The following RBFOX1 variants were observed in gnomAD, a reference collection of about 807,000 sequenced individuals.
RBFOX1 encodes RNA binding fox-1 homolog 1.
Under a neutral mutation model 57.7 loss-of-function variants are expected in RBFOX1, and 8 were observed. The ratio of observed to expected loss-of-function variants is 0.14; its 90% CI spans 0.08 to 0.25. The LOEUF (loss-of-function observed/expected upper bound fraction) is 0.25, where lower values mean the gene tolerates loss of function less well. Among genes scored for constraint, RBFOX1 ranks in the 10% least tolerant of loss-of-function variants. The pLI is 1.00. For synonymous variants in RBFOX1, 326 were observed against 222.4 expected, an observed-to-expected ratio of 1.47 and a Z score of -4.15; for missense variants, 611 against 548.5, an observed-to-expected ratio of 1.11 and a Z score of -1.14.
intron 2 of RBFOX1, among the ~76,000 whole-genome samples, chr16:6,448,289 A>T (rs1186701962): frequency 6.7e-6 from 1 of 149,562 alleles, no homozygotes; most frequent in Non-Finnish European, 1.5e-5. Context: ...CCTCCCAAGT[A>T]GCTGGGATTA....
intron 4 of RBFOX1, among the ~76,000 whole-genome samples, chr16:7,416,603 A>G (rs1054572126): frequency 4.6e-5 from 7 of 152,190 alleles, no homozygotes; most frequent in African/African-American, 1.7e-4. Context: ...GTCTTCATGG[A>G]TAGTGCATAT....
At chr16:6,906,606 T>G (rs1215712558) in intron 3 of RBFOX1, among the ~76,000 whole-genome samples, 1 of 152,180 alleles carries the variant, frequency 6.6e-6, no homozygotes, top group East Asian at 1.9e-4. Context: ...CAGTAAATCC[T>G]GATAGGTTTG....
At chr16:6,167,432 G>A (rs1450959321) in intron 1 of RBFOX1, among the ~76,000 whole-genome samples, 2 of 152,116 alleles carry the variant, frequency 1.3e-5, no homozygotes, top group African/African-American at 4.8e-5. Context: ...GGTAGCTCCT[G>A]CTGTTATTGT....
At position 7,518,479 on chromosome 16, in the gene RBFOX1, A is replaced by T. The variant is rs1488307411; in HGVS notation, c.270+90A>T. On this transcript the variant is annotated intron_variant, in intron 5 of 15. Transcript: ENST00000550418. ...AGCGGGGGTGCACCCCCATCTACCC[A>T]GGGACTCTGGGAAACAGATCAGTCC... 49 of 1,498,632 alleles carry T rather than the reference A, an allele frequency of 3.3e-5. 1 individual carries two copies. In the South Asian group the frequency reaches 6.7e-4, roughly 20 times the overall value. The allele number at this position is 1,498,632 out of a possible 1,614,324, so 92.8% of individuals were successfully genotyped here. A position where few individuals can be genotyped will look rare whatever the true frequency, so the allele number is the denominator to read the frequency against.
At chr16:5,332,828 T>A (rs1020043608) in intron 1 of RBFOX1, among the ~76,000 whole-genome samples, 1 of 151,998 alleles carries the variant, frequency 6.6e-6, no homozygotes, top group African/African-American at 2.4e-5. Flanking sequence ...TATATAGAAA[T>A]AAACCAGCCC....
At chr16:5,486,985 C>A (rs1037848844) in intron 2 of RBFOX1, among the ~76,000 whole-genome samples, 26 of 152,118 alleles carry the variant, frequency 1.7e-4, no homozygotes, top group African/African-American at 6.3e-4. Context: ...CTGTAATACC[C>A]CCAGGCCTTT....
chr16:6,336,182 T>TATATATTTTTTTG (rs58185113), intron 2 of RBFOX1, among the ~76,000 whole-genome samples: 1 of 23,952 alleles, frequency 4.2e-5, no homozygotes, highest in Non-Finnish European at 7.2e-5. Flanking sequence ...TATATATATA[T>TATATATTTTTTTG]TTTTTTTTTT....
chr16:7,676,032 G>A (rs1378566497), intron 13 of RBFOX1, among the ~76,000 whole-genome samples: 2 of 152,086 alleles, frequency 1.3e-5, no homozygotes, highest in African/African-American at 4.8e-5. Flanking sequence ...GCAATTACTG[G>A]TACATACAAC....
intron 3 of RBFOX1, among the ~76,000 whole-genome samples, chr16:6,890,680 C>A (rs2065204151): frequency 6.6e-6 from 1 of 152,064 alleles, no homozygotes; most frequent in African/African-American, 2.4e-5. Context: ...CTTGTCTGTC[C>A]CCAGTTTCCT....
At position 5,499,814 on chromosome 16, in the gene RBFOX1, C is replaced by A. The variant is rs868343989; in HGVS notation, c.258+32560C>A. On this transcript the variant is annotated intron_variant, in intron 2 of 2. Transcript: ENST00000585867. ...TCTTGAACTCCTGACATCAGGTGATCCACCTGCCTTGGCCTCCCAAAGTGT... is the reference window on the plus strand; with the variant it reads ...TCTTGAACTCCTGACATCAGGTGATACACCTGCCTTGGCCTCCCAAAGTGT... Among the ~76,000 whole-genome samples, 13 of 152,290 alleles carry A rather than the reference C, an allele frequency of 8.5e-5. No homozygotes were observed. The Middle Eastern group carries it at 0.014, about 159-fold the overall frequency.
chr16:7,035,319 G>A (rs78321949), intron 3 of RBFOX1, among the ~76,000 whole-genome samples: 2 of 151,928 alleles, frequency 1.3e-5, no homozygotes, highest in African/African-American at 4.8e-5. Context: ...TGTGGTGCTG[G>A]CCCATTTATC....
chr16:7,632,888 G>C (rs2061203251), intron 11 of RBFOX1, among the ~76,000 whole-genome samples: 1 of 151,476 alleles, frequency 6.6e-6, no homozygotes, highest in South Asian at 2.1e-4. Flanking sequence ...CTTTACAGAA[G>C]TGAACAAAAC....
chr16:7,164,044 T>G (rs1402738801), intron 4 of RBFOX1, among the ~76,000 whole-genome samples: 1 of 152,194 alleles, frequency 6.6e-6, no homozygotes, highest in Non-Finnish European at 1.5e-5. Flanking sequence ...TGGTGATTTC[T>G]GAGATTTTGG....
chr16:6,759,430 AATTCTTT>A (rs1167973184), intron 3 of RBFOX1, among the ~76,000 whole-genome samples: 18 of 147,728 alleles, frequency 1.2e-4, no homozygotes, highest in African/African-American at 4.4e-4. Flanking sequence ...GGACCCAATT[AATTCTTT>A]AGTCAACCAA....
intron 3 of RBFOX1, among the ~76,000 whole-genome samples, chr16:6,980,711 T>A (rs1289477005): frequency 1.3e-5 from 2 of 152,014 alleles, no homozygotes; most frequent in African/African-American, 4.8e-5. Context: ...GAGGGAGCAA[T>A]GTCATCAAAG....
chr16:6,795,781 A>T (rs113624825), intron 3 of RBFOX1, among the ~76,000 whole-genome samples: 1 of 148,858 alleles, frequency 6.7e-6, no homozygotes, highest in Admixed American at 6.6e-5. Context: ...AAAAAATGAA[A>T]AAAAAAAAAA....
intron 3 of RBFOX1, among the ~76,000 whole-genome samples, chr16:6,836,548 C>T (rs920608820): frequency 6.6e-6 from 1 of 152,156 alleles, no homozygotes; most frequent in Admixed American, 6.5e-5. Flanking sequence ...ATGACACCTT[C>T]AAATGGGAAC....
intron 1 of RBFOX1, among the ~76,000 whole-genome samples, chr16:6,217,420 G>A (rs948392045): frequency 5.3e-5 from 8 of 152,252 alleles, no homozygotes; most frequent in South Asian, 4.1e-4. Flanking sequence ...TTGAGAAAAC[G>A]TGATAATCAA....
intron 2 of RBFOX1, among the ~76,000 whole-genome samples, chr16:6,602,406 G>A (rs1411555238): frequency 1.3e-5 from 2 of 152,126 alleles, no homozygotes; most frequent in African/African-American, 4.8e-5. Flanking sequence ...CAAACCGTTT[G>A]TCTGAGTATA....
Sources: allele counts gnomAD v4.1 joint callset (sites outside exome capture counted in the v4.1 genomes callset), GRCh38; gene constraint gnomAD v4.1.1; transcripts MANE v1.5; gene names NCBI Gene and HGNC (gene_info 2026-07-23, HGNC 2026-07-21).